MEOX2: variants seen among roughly 807,000 people sequenced by gnomAD.
MEOX2 encodes the protein mesenchyme homeobox 2.
In MEOX2, 11 loss-of-function variants were observed where a neutral mutation model predicts 27.0. The observed-to-expected ratio is 0.41, with a 90% CI of 0.26 to 0.68. MEOX2 has a LOEUF of 0.68. Among genes scored for constraint, MEOX2 ranks in the 30% least tolerant of loss-of-function variants. The pLI, the probability that MEOX2 is intolerant of heterozygous loss-of-function variation, is 0.33. For synonymous variants in MEOX2, 189 were observed against 155.4 expected (o/e 1.22, Z -1.61); for missense variants, 436 against 385.4 (o/e 1.13, Z -1.10).
chr7:15,671,821 C>A (rs1263627823), intron 1 of MEOX2, among the ~76,000 whole-genome samples: 2 of 152,100 alleles, frequency 1.3e-5, no homozygotes, highest in African/African-American at 2.4e-5. Context: ...CTTTGGGAGA[C>A]CACGAAGTGC....
intron 1 of MEOX2, among the ~76,000 whole-genome samples, chr7:15,650,016 C>A (rs1016681955): frequency 3.3e-5 from 5 of 151,992 alleles, no homozygotes; most frequent in African/African-American, 1.2e-4. Flanking sequence ...ACCAGATAGG[C>A]CCAAGCCTAT....
intron 1 of MEOX2, chr7:15,679,642 A>G (rs1440026797): frequency 2.0e-5 from 3 of 152,208 alleles, no homozygotes; most frequent in Non-Finnish European, 2.9e-5. Flanking sequence ...TTGTAAGGAC[A>G]TAAGAATTGT....
intron 1 of MEOX2, among the ~76,000 whole-genome samples, chr7:15,684,581 G>T (rs1401243498): frequency 6.6e-6 from 1 of 152,152 alleles, no homozygotes; most frequent in Admixed American, 6.5e-5. Flanking sequence ...ATATTGCTGT[G>T]AATGGTGAAG....
At chr7:15,669,932 T>C (rs2115389961) in intron 1 of MEOX2, among the ~76,000 whole-genome samples, 1 of 152,342 alleles carries the variant, frequency 6.6e-6, no homozygotes, top group African/African-American at 2.4e-5. Context: ...CTGGAAAATC[T>C]AGCCTAGTTC....
intron 1 of MEOX2, among the ~76,000 whole-genome samples, chr7:15,678,068 C>A (rs1262698952): frequency 6.6e-6 from 1 of 152,126 alleles, no homozygotes; most frequent in Non-Finnish European, 1.5e-5. Flanking sequence ...CAGCAAGCCT[C>A]CAAATAGGGA....
At chr7:15,629,915 T>A (rs1031779006) in intron 1 of MEOX2, among the ~76,000 whole-genome samples, 6 of 152,034 alleles carry the variant, frequency 3.9e-5, no homozygotes, top group African/African-American at 1.4e-4. Flanking sequence ...AGTTTCCATC[T>A]GTTTCCCAGC....
At chr7:15,657,417 T>A (rs570557968) in intron 1 of MEOX2, among the ~76,000 whole-genome samples, 6 of 152,314 alleles carry the variant, frequency 3.9e-5, no homozygotes, top group African/African-American at 1.4e-4. Context: ...GGATAATTTC[T>A]ATGGTTCCAT....
At chr7:15,660,406 T>C (rs560096231) in intron 1 of MEOX2, among the ~76,000 whole-genome samples, 42 of 152,270 alleles carry the variant, frequency 2.8e-4, no homozygotes, top group Admixed American at 7.8e-4. Flanking sequence ...CCTTATTCTT[T>C]AAATCCTGTC....
chr7:15,639,385 G>A (rs942182071), intron 1 of MEOX2, among the ~76,000 whole-genome samples: 3 of 151,934 alleles, frequency 2.0e-5, no homozygotes, highest in African/African-American at 7.2e-5. Context: ...TTAGTCTTTT[G>A]TTGGATGCAG....
chr7:15,627,064 C>G, intron 1 of MEOX2, 146 bp from the exon 2 acceptor site: 3 of 637,840 alleles, frequency 4.7e-6, no homozygotes, highest in Non-Finnish European at 7.8e-6. Flanking sequence ...AGACTGACGG[C>G]AGCTCAACGG....
chr7:15,612,891 G>A (rs1001768979), intron 2 of MEOX2, among the ~76,000 whole-genome samples: 1 of 152,134 alleles, frequency 6.6e-6, no homozygotes, highest in Admixed American at 6.5e-5. Flanking sequence ...GTCATTTAAG[G>A]CACTCAAAGC....
intron 1 of MEOX2, among the ~76,000 whole-genome samples, chr7:15,638,678 C>T (rs1242231296): frequency 1.3e-5 from 2 of 151,988 alleles, no homozygotes; most frequent in African/African-American, 4.8e-5. Context: ...TTATTTCCAT[C>T]TTTGTGTCCA....
At chr7:15,672,974 G>C (rs565771379) in intron 1 of MEOX2, among the ~76,000 whole-genome samples, 1 of 152,102 alleles carries the variant, frequency 6.6e-6, no homozygotes, top group East Asian at 1.9e-4. Context: ...ACTTAACCTG[G>C]ACAGTCATTC....
chr7:15,658,763 GAGA>G (rs1355740972), intron 1 of MEOX2, among the ~76,000 whole-genome samples: 5 of 152,146 alleles, frequency 3.3e-5, no homozygotes, highest in Non-Finnish European at 7.4e-5. Context: ...AGGACATAGT[GAGA>G]AGAAACCATA....
At chr7:15,673,588 C>A (rs1443432647) in intron 1 of MEOX2, among the ~76,000 whole-genome samples, 24 of 21,318 alleles carry the variant, frequency 1.1e-3, no homozygotes, top group Admixed American at 2.1e-3. Context: ...TAGACATAAA[C>A]AAGTCTATCA....
At chr7:15,671,849 G>C (rs1305247339) in intron 1 of MEOX2, among the ~76,000 whole-genome samples, 1 of 152,074 alleles carries the variant, frequency 6.6e-6, no homozygotes, top group Non-Finnish European at 1.5e-5. Context: ...TTGAGGTCAG[G>C]AGTTCAAGAC....
At chr7:15,631,912 G>GTGTGTGTGTGTGTGTGTGTGTGTGTGTA (rs1258100009) in intron 1 of MEOX2, among the ~76,000 whole-genome samples, 3 of 150,488 alleles carry the variant, frequency 2.0e-5, no homozygotes, top group African/African-American at 7.3e-5. Context: ...TTAAATGTGT[G>GTGTGTGTGTGTGTGTGTGTGTGTGTGTA]TGTGTGTGTG....
intron 2 of MEOX2, among the ~76,000 whole-genome samples, chr7:15,617,108 C>T (rs1487782398): frequency 6.6e-6 from 1 of 151,942 alleles, no homozygotes; most frequent in Admixed American, 6.6e-5. Flanking sequence ...AATGCAATAA[C>T]CCATATTTAT....
intron 2 of MEOX2, among the ~76,000 whole-genome samples, chr7:15,625,089 A>G (rs892658928): frequency 1.3e-5 from 2 of 152,172 alleles, no homozygotes; most frequent in African/African-American, 4.8e-5. Flanking sequence ...ACAGTACTGG[A>G]TCCTGTCATT....
Sources: allele counts gnomAD v4.1 joint callset (sites outside exome capture counted in the v4.1 genomes callset), GRCh38; gene constraint gnomAD v4.1.1; transcripts MANE v1.5; gene names NCBI Gene and HGNC (gene_info 2026-07-23, HGNC 2026-07-21).